THRAP3: variants seen among roughly 807,000 people sequenced by gnomAD.
THRAP3 encodes the protein thyroid hormone receptor-associated protein 3.
THRAP3 carries 16 observed loss-of-function variants against 101.0 expected under a neutral mutation model. The ratio of observed to expected loss-of-function variants is 0.16; its 90% CI spans 0.11 to 0.24. THRAP3 has a LOEUF of 0.24. THRAP3 is among the 10% of genes least tolerant of loss of function. The probability of loss-of-function intolerance (pLI) is 1.00; values close to 1 mark genes in which losing one functional copy is unlikely to be tolerated. For missense variants in THRAP3, 989 were observed against 1,202.7 expected, an observed-to-expected ratio of 0.82 and a Z score of 2.63; for synonymous variants, 407 against 422.6, an observed-to-expected ratio of 0.96 and a Z score of 0.45.
At chr1:36,274,086 A>AGTGTGT (rs1557437722) in intron 2 of THRAP3, among the ~76,000 whole-genome samples, 37 of 126,956 alleles carry the variant, frequency 2.9e-4, no homozygotes, top group African/African-American at 1.2e-3. Flanking sequence ...TCACACACAC[A>AGTGTGT]CACACACACA....
chr1:36,300,479 T>C (rs1443116398), intron 9 of THRAP3, among the ~76,000 whole-genome samples: 1 of 152,178 alleles, frequency 6.6e-6, no homozygotes, highest in East Asian at 1.9e-4. Flanking sequence ...ATAAAAGTAA[T>C]AGAACGCACT....
chr1:36,288,780 G>C (rs907581121), intron 4 of THRAP3: 31 of 985,202 alleles, frequency 3.1e-5, no homozygotes, highest in Non-Finnish European at 3.5e-5. Context: ...TTTTGTTTTT[G>C]AGTATCCTAA....
At chr1:36,229,134 G>T (rs1644995444) in intron 1 of THRAP3, among the ~76,000 whole-genome samples, 1 of 152,094 alleles carries the variant, frequency 6.6e-6, no homozygotes, top group South Asian at 2.1e-4. Context: ...GCCTCGCTCT[G>T]TTGCCCAGGT....
the THRAP3 span, among the ~76,000 whole-genome samples, chr1:36,217,368 T>C: frequency 9.2e-5 from 14 of 152,032 alleles, no homozygotes; most frequent in Admixed American, 3.3e-4. Context: ...GCCAGGTCAC[T>C]CAAGGAGAGA....
At chr1:36,276,521 C>G (rs1286504565) in intron 2 of THRAP3, among the ~76,000 whole-genome samples, 3 of 38,440 alleles carry the variant, frequency 7.8e-5, no homozygotes, top group Non-Finnish European at 1.8e-4. Context: ...CAGACTCTGT[C>G]TCAAAAAAAA....
chr1:36,224,135 G>A (rs1644929258), upstream of THRAP3, among the ~76,000 whole-genome samples: 5 of 152,220 alleles, frequency 3.3e-5, no homozygotes, highest in South Asian at 1.0e-3. Context: ...CTCCAGGCTG[G>A]TTCCAAAATG....
intron 1 of THRAP3, among the ~76,000 whole-genome samples, chr1:36,245,129 A>G (rs1163124192): frequency 6.8e-6 from 1 of 148,148 alleles, no homozygotes; most frequent in East Asian, 2.0e-4. Context: ...TCTGACATGT[A>G]TTATATAGAT....
chr1:36,239,232 G>T (rs1645126257), intron 1 of THRAP3, among the ~76,000 whole-genome samples: 1 of 149,212 alleles, frequency 6.7e-6, no homozygotes, highest in Non-Finnish European at 1.5e-5. Context: ...TAGAGGCGGG[G>T]TCTCCCTGTG....
chr1:36,270,117 A>T (rs772563823), intron 2 of THRAP3, among the ~76,000 whole-genome samples: 8 of 152,116 alleles, frequency 5.3e-5, no homozygotes, highest in Non-Finnish European at 1.0e-4. Flanking sequence ...GGCTGGGCAC[A>T]TTGGCTCATG....
Position 36,304,017 on chromosome 1 carries a change from G to A in THRAP3, c.2868G>A (p.Ter956=), listed in dbSNP as rs1228897107. ...ACAATATACAGCCCACAACCGAGTA[G>A]GGGCCACCCTTGACGGGATTCCTGC... ...EKDNIQPTTE[*] The change falls in exon 12 of 12, where the codon TAG becomes TAA. Residue 956 remains the stop codon, a stop_retained_variant. Coordinates refer to ENST00000354618, the MANE Select transcript of THRAP3 (RefSeq NM_005119.4). 8.5e-6 allele frequency: 13 copies of A among 1,531,342 alleles called. No individual in the cohort carries two copies. The highest frequency in any genetic ancestry group is 9.7e-6 in the Non-Finnish European group (11 of 1,138,956). The allele number at this position is 1,531,342 out of a possible 1,614,324, so 94.9% of individuals were successfully genotyped here. A position where few individuals can be genotyped will look rare whatever the true frequency, so the allele number is the denominator to read the frequency against.
In THRAP3 at chr1:36,286,465, G is replaced by T. The variant is rs750121671; in HGVS notation, c.235G>T (p.Gly79Cys). ...TCGGGATTTCCGAGGTCACAACAGAGGCTATAGAAGGCCCTATTATTTCCG... is the reference window on the plus strand; with the variant it reads ...TCGGGATTTCCGAGGTCACAACAGATGCTATAGAAGGCCCTATTATTTCCG... The part of the protein sequence containing the change: ...QNRDFRGHNR[G>C]YRRPYYFRGR... The change falls in exon 4 of 12, where the codon GGC (glycine) becomes TGC (cysteine). Residue 79 changes from glycine (G) to cysteine (C), a missense_variant. By Grantham distance (159) the Gly-to-Cys change is radical (BLOSUM62 -3). Coordinates refer to ENST00000354618, the MANE Select transcript of THRAP3 (RefSeq NM_005119.4). This position sits in a 1 kb window ranked among gnomAD's most constrained non-coding sequence, Gnocchi z 5.5. 3.3e-5 allele frequency: 53 copies of T among 1,614,072 alleles called. No homozygotes were observed. Among genetic ancestry groups the T allele is most frequent in the Non-Finnish European group, 4.3e-5 (51 of 1,180,052 alleles).
At position 36,286,403 on chromosome 1, in the gene THRAP3, A is replaced by G. The variant is rs1293450765; in HGVS notation, c.173A>G (p.His58Arg). The part of the protein sequence containing the change: ...RSRSRSYSPA[H>R]NRERNHPRVY... ...CGTTCCAGATCATATTCTCCAGCTC[A>G]TAACAGAGAAAGAAACCACCCAAGA... Residue 58 changes from histidine to arginine, a missense_variant, in exon 4 of 12, where the codon CAT (histidine) becomes CGT (arginine). His to Arg is a conservative substitution (Grantham distance 29). Transcript: ENST00000354618. This position sits in a 1 kb window ranked among gnomAD's most constrained non-coding sequence, Gnocchi z 5.5. 1 of 1,611,742 alleles carries G rather than the reference A, an allele frequency of 6.2e-7. No individual in the cohort carries two copies. The highest frequency in any genetic ancestry group is 1.1e-5 in the South Asian group (1 of 90,678).
intron 8 of THRAP3, among the ~76,000 whole-genome samples, chr1:36,295,990 T>G (rs920097249): frequency 8.7e-6 from 1 of 115,258 alleles, no homozygotes; most frequent in South Asian, 3.0e-4. Flanking sequence ...TTTTTTTTTT[T>G]TGAGAGATAG....
intron 8 of THRAP3, among the ~76,000 whole-genome samples, chr1:36,296,321 G>A (rs1185333860): frequency 1.3e-5 from 2 of 152,108 alleles, no homozygotes; most frequent in African/African-American, 4.8e-5. Context: ...GGGCCAGAAA[G>A]GAAACAAAGT....
intron 1 of THRAP3, among the ~76,000 whole-genome samples, chr1:36,259,113 A>G (rs1030234485): frequency 6.6e-6 from 1 of 152,338 alleles, no homozygotes; most frequent in South Asian, 2.1e-4. Flanking sequence ...TTAGTCTTGC[A>G]TAATGAAAAC....
chr1:36,241,951 C>A, intron 1 of THRAP3: 1 of 165,588 alleles, frequency 6.0e-6, no homozygotes. Context: ...CTTTGGATGT[C>A]ATTAGATGTC....
At chr1:36,292,412 C>G (rs374741796) in intron 6 of THRAP3, among the ~76,000 whole-genome samples, 186 bp from the exon 7 acceptor site, 1 of 151,272 alleles carries the variant, frequency 6.6e-6, no homozygotes, top group Non-Finnish European at 1.5e-5. Context: ...GCTGGGACTA[C>G]AGGCGCCCGC....
chr1:36,210,581 C>G, the THRAP3 span, among the ~76,000 whole-genome samples: 1 of 139,996 alleles, frequency 7.1e-6, no homozygotes, highest in Admixed American at 7.5e-5. Context: ...ATCCCGGCTA[C>G]TCGGGAGCTG....
intron 10 of THRAP3, 60 bp downstream of exon 10, chr1:36,301,144 G>C (rs1646026004): frequency 1.3e-6 from 2 of 1,527,256 alleles, no homozygotes; most frequent in Non-Finnish European, 1.8e-6. Context: ...CTTTGATCAC[G>C]TTTCATCAGA....
Sources: gnomAD v4.1 joint callset for allele counts (sites outside exome capture counted in the v4.1 genomes callset) on GRCh38, gnomAD v4.1.1 for gene constraint, Gnocchi (gnomAD v3.1) non-coding constraint, MANE v1.5 for transcripts, NCBI Gene and HGNC (gene_info 2026-07-23, HGNC 2026-07-21) for gene names.